Variants in BTN3A3 observed in about 807,000 individuals in gnomAD.
The protein encoded by BTN3A3 is butyrophilin subfamily 3 member A3.
In BTN3A3, 39 loss-of-function variants were observed where a neutral mutation model predicts 43.2. That is an observed-to-expected ratio of 0.90 (90% CI 0.70 to 1.18). BTN3A3 has a LOEUF of 1.18. BTN3A3 is among the 50% of genes most tolerant of loss of function. The probability of loss-of-function intolerance (pLI) is 0.00; values close to 1 mark genes in which losing one functional copy is unlikely to be tolerated. For missense variants in BTN3A3, 631 were observed against 722.8 expected (o/e 0.87, Z 1.46); for synonymous variants, 255 against 272.7 (o/e 0.93, Z 0.64).
rs1762905691 is a variant in BTN3A3 at position 26,450,634 on chromosome 6, G to A, written c.1018+501G>A. Among the ~76,000 whole-genome samples the A allele has an allele frequency of 2.0e-5, 3 of 152,164 alleles. No individual in the cohort carries two copies. In the South Asian group the frequency reaches 6.2e-4, roughly 32 times the overall value. On this transcript the variant is annotated intron_variant, in intron 10 of 10. Coordinates refer to ENST00000244519, the MANE Select transcript of BTN3A3 (RefSeq NM_006994.5). ...CTGAAGTAATAATAAATATCCACTG[G>A]TCAAAAACCAAGTAAGAAAGAGATG...
rs377535721 is a variant in BTN3A3, at chr6:26,443,626, C to T, written c.52C>T (p.Leu18Phe). The T allele has an allele frequency of 6.2e-7, 1 of 1,614,240 alleles. No individual in the cohort carries two copies. The highest frequency in any genetic ancestry group is 8.5e-7 in the Non-Finnish European group (1 of 1,180,048). The change falls in exon 3 of 11, where the codon CTC (leucine) becomes TTC (phenylalanine). Residue 18 changes from leucine to phenylalanine, a missense_variant. Leu to Phe is a conservative substitution (Grantham distance 22). This residue lies in a region of BTN3A3 where 80 missense variants were observed against 138.7 expected (regional missense o/e 0.58). Transcript: ENST00000244519. ...CCTTCTGCTCAACTTTCATGTCTCC[C>T]TCTTCTTGGTCCAGCTGCTCACTCC... ...AFLLLNFHVS[L>F]FLVQLLTPCS...
At chr6:26,451,325 A>G (rs2237236) in intron 10 of BTN3A3, among the ~76,000 whole-genome samples, 80,043 of 152,064 alleles carry the variant, frequency 0.53, 23,493 homozygotes, top group African/African-American at 0.8. Flanking sequence ...TTTAGTTCAT[A>G]AGCGGTCGAG....
rs1762960051 is a variant in BTN3A3, at chr6:26,452,540, C to T, written c.*129C>T. 1.3e-6 allele frequency: 1 copy of T among 783,546 alleles called. No homozygotes were observed. The highest frequency in any genetic ancestry group is 1.9e-5 in the South Asian group (1 of 53,082). The allele number at this position is 783,546 out of a possible 1,614,324, so 48.5% of individuals were successfully genotyped here. A position where few individuals can be genotyped will look rare whatever the true frequency, so the allele number is the denominator to read the frequency against. ...TTACAAAGTAGACATGACAAGTGAACAGCAGAGCTGGGATCTAAACAGCAA... is the reference window on the plus strand; with the variant it reads ...TTACAAAGTAGACATGACAAGTGAATAGCAGAGCTGGGATCTAAACAGCAA... On this transcript the variant is annotated 3_prime_UTR_variant, in exon 11 of 11. Transcript: ENST00000244519.
Position 26,452,648 on chromosome 6 carries a change from A to G in BTN3A3, c.*237A>G, listed in dbSNP as rs1408016294. ...GGATGTCACTCCTTTAATCCTCACA[A>G]CACCCTGTCGGGTAGTCATATTTTG... On this transcript the variant is annotated 3_prime_UTR_variant, in exon 11 of 11. Transcript: ENST00000244519. 1.9e-5 allele frequency: 9 copies of G among 478,400 alleles called. No individual in the cohort carries two copies. The highest frequency in any genetic ancestry group is 3.9e-5 in the Admixed American group (1 of 25,934). 29.6% of individuals were successfully genotyped at this position (478,400 alleles called of 1,614,324 possible).
Position 26,451,683 on chromosome 6 carries a change from A to C in BTN3A3, c.1027A>C (p.Ile343Leu). 1 of 1,611,398 alleles carries C rather than the reference A, an allele frequency of 6.2e-7. No individual in the cohort carries two copies. Among genetic ancestry groups the C allele is most frequent in the South Asian group, 1.1e-5 (1 of 90,840 alleles). The change falls in exon 11 of 11, where the codon ATT becomes CTT. Residue 343 changes from isoleucine to leucine, a missense_variant. Ile to Leu is a conservative substitution (Grantham distance 5). Around this residue, in one of 2 missense-constraint regions of BTN3A3, gnomAD observed 551 missense variants for 584.0 expected, o/e 0.94. Transcript: ENST00000244519. ...CCTCAAACTCTCTGCAGCGGATGTG[A>C]TTCTGGATCCAGACACGGCAAACGC... The part of the protein sequence containing the change: ...KMALFKPADV[I>L]LDPDTANAIL...
In BTN3A3 at chr6:26,448,300, G is replaced by A. The variant is rs1337450408; in HGVS notation, c.768G>A (p.Leu256=). ...QPWIAALAGT[L]PISLLLLAGA... ...GGATCGCGGCCCTGGCAGGGACCCT[G>A]CCTATCTCGTTGCTGCTTCTCGCAG... The change falls in exon 6 of 11, where the codon CTG becomes CTA. Residue 256 remains leucine, a synonymous_variant. Coordinates refer to ENST00000244519, the MANE Select transcript of BTN3A3 (RefSeq NM_006994.5). The A allele has an allele frequency of 6.2e-7, 1 of 1,613,826 alleles. No homozygotes were observed. The highest frequency in any genetic ancestry group is 2.2e-5 in the East Asian group (1 of 44,862).
chr6:26,448,258 C>T lies in BTN3A3; in HGVS notation c.726C>T (p.Phe242=), dbSNP rs748782578. The T allele has an allele frequency of 6.2e-7, 1 of 1,613,442 alleles. No individual in the cohort carries two copies. Among genetic ancestry groups the T allele is most frequent in the Non-Finnish European group, 8.5e-7 (1 of 1,179,902 alleles). The change falls in exon 6 of 11, where the codon TTC becomes TTT. Residue 242 remains phenylalanine (F), a synonymous_variant. Transcript: ENST00000244519. ...CTCTCCCCTTCGCAGACCCCTTCTT[C>T]AGGAGCGCCCAGCCCTGGATCGCGG... The part of the protein sequence containing the change: ...TASISIADPF[F]RSAQPWIAAL...
At chr6:26,446,046 ATGTGTGAGTCTCTAC>A in intron 5 of BTN3A3, 61 bp downstream of exon 5, 1 of 1,597,778 alleles carries the variant, frequency 6.3e-7, no homozygotes, top group Middle Eastern at 1.7e-4. Flanking sequence ...ATGAAGGGGG[ATGTGTGAGTCTCTAC>A]TGTGTGAGTC....
intron 3 of BTN3A3, 39 bp from the exon 4 acceptor site, chr6:26,443,918 C>T: frequency 6.2e-7 from 1 of 1,613,852 alleles, no homozygotes; most frequent in Non-Finnish European, 8.5e-7. Context: ...GACCCCAACT[C>T]CAAAACCCTC....
intron 1 of BTN3A3, among the ~76,000 whole-genome samples, chr6:26,442,566 A>G (rs536552170): frequency 1.3e-5 from 2 of 152,338 alleles, no homozygotes; most frequent in African/African-American, 4.8e-5. Flanking sequence ...TCATGACAAT[A>G]AATCAACTCT....
At chr6:26,444,400 G>C in intron 4 of BTN3A3, 96 bp downstream of exon 4, 2 of 1,585,262 alleles carry the variant, frequency 1.3e-6, no homozygotes, top group Non-Finnish European at 1.7e-6. Context: ...ACTCCTGGCT[G>C]CTCACTAGCA....
Position 26,445,719 on chromosome 6 carries a change from T to A in BTN3A3, c.449T>A (p.Leu150His). Residue 150 changes from leucine (L) to histidine (H), a missense_variant, in exon 5 of 11, where the codon CTT (leucine) becomes CAT (histidine). Leu to His is a moderately conservative substitution (Grantham distance 99). This residue lies in a region of BTN3A3 where 551 missense variants were observed against 584.0 expected (regional missense o/e 0.94). Transcript: ENST00000244519. ...CCTTCTACAGCATTGGGTTCTGATC[T>A]TCACATTGAAGTGAAGGGTTATGAG... Reference protein sequence around the residue: ...ELKVAALGSDLHIEVKGYEDG... With the variant: ...ELKVAALGSDHHIEVKGYEDG... 1.9e-6 allele frequency: 3 copies of A among 1,614,116 alleles called. No homozygotes were observed. The highest frequency in any genetic ancestry group is 2.5e-6 in the Non-Finnish European group (3 of 1,179,970).
At chr6:26,446,013 A>ACTGAG (rs1201952346) in intron 5 of BTN3A3, 28 bp downstream of exon 5, 1 of 1,612,336 alleles carries the variant, frequency 6.2e-7, no homozygotes, top group Admixed American at 1.7e-5. Flanking sequence ...CCTCAGCTTT[A>ACTGAG]CTGAGCTGAG....
chr6:26,440,761 G>A (rs976555579), intron 1 of BTN3A3, 113 bp downstream of exon 1: 21 of 151,960 alleles, frequency 1.4e-4, no homozygotes, highest in African/African-American at 5.1e-4. Context: ...AGGGAAAGGG[G>A]TGCAGTGCCT....
At chr6:26,448,832 T>TA in intron 8 of BTN3A3, 78 bp downstream of exon 8, 1 of 1,566,792 alleles carries the variant, frequency 6.4e-7, no homozygotes. Context: ...TTCCAGCCCA[T>TA]AAGTCTTTGC....
At chr6:26,449,578 C>A in intron 8 of BTN3A3, 84 bp from the exon 9 acceptor site, 1 of 1,472,910 alleles carries the variant, frequency 6.8e-7, no homozygotes, top group Non-Finnish European at 9.5e-7. Flanking sequence ...AAAAGAAAGT[C>A]TAGATGGATG....
chr6:26,451,885 G>C lies in BTN3A3; in HGVS notation c.1229G>C (p.Gly410Ala), dbSNP rs779160479. ...GGGGACAGAAAAGAGTGGCATATTG[G>C]GGTATGTAGTAAGAACGTGGAGAGG... Reference protein sequence around the residue: ...EVGDRKEWHIGVCSKNVERKK... With the variant: ...EVGDRKEWHIAVCSKNVERKK... The change falls in exon 11 of 11, where the codon GGG becomes GCG. Residue 410 changes from glycine to alanine, a missense_variant. Coordinates refer to ENST00000244519, the MANE Select transcript of BTN3A3 (RefSeq NM_006994.5). 6.2e-7 allele frequency: 1 copy of C among 1,614,102 alleles called. No homozygotes were observed. The highest frequency in any genetic ancestry group is 1.7e-5 in the Admixed American group (1 of 60,016).
At position 26,445,944 on chromosome 6, in the gene BTN3A3, C is replaced by T. The variant is rs200625612; in HGVS notation, c.674C>T (p.Ser225Phe). 6.3e-5 allele frequency: 101 copies of T among 1,614,108 alleles called. No homozygotes were observed. The highest frequency in any genetic ancestry group is 3.3e-4 in the Middle Eastern group (2 of 6,062). Residue 225 changes from serine to phenylalanine, a missense_variant, in exon 5 of 11, where the codon TCC becomes TTC. Coordinates refer to ENST00000244519, the MANE Select transcript of BTN3A3 (RefSeq NM_006994.5). ...GGGVSCIIRN[S>F]LLGLEKTASI... ...GGTGTATCCTGCATCATCAGAAATT[C>T]CCTCCTCGGCCTGGAAAAGACAGCC...
At chr6:26,442,061 G>A (rs1321024751) in intron 1 of BTN3A3, among the ~76,000 whole-genome samples, 1 of 152,128 alleles carries the variant, frequency 6.6e-6, no homozygotes, top group Non-Finnish European at 1.5e-5. Flanking sequence ...CAAGATCCAG[G>A]CGAGGGTGGA....
Sources: gnomAD v4.1 joint callset for allele counts (sites outside exome capture counted in the v4.1 genomes callset) on GRCh38, gnomAD v4.1.1 for gene constraint, gnomAD v4.1.1 regional missense constraint, MANE v1.5 for transcripts, NCBI Gene and HGNC (gene_info 2026-07-23, HGNC 2026-07-21) for gene names.